The following NHEJ1 variants were observed in gnomAD, a reference collection of about 807,000 sequenced individuals.
The protein encoded by NHEJ1 is non-homologous end joining factor 1, also known as non-homologous end-joining factor 1.
A neutral mutation model predicts 39.4 loss-of-function variants in NHEJ1; 22 were observed. The observed-to-expected ratio is 0.56, with a 90% CI of 0.40 to 0.80. The LOEUF is 0.80. Ranked by LOEUF, NHEJ1 falls within the 30% of genes least tolerant of loss-of-function variation. The pLI is 0.00. For missense variants in NHEJ1, 329 were observed against 357.1 expected (o/e 0.92, Z 0.63); for synonymous variants, 154 against 135.6 (o/e 1.14, Z -0.94).
chr2:219,150,600 G>A (rs1338890816), intron 3 of NHEJ1, among the ~76,000 whole-genome samples: 3 of 152,246 alleles, frequency 2.0e-5, no homozygotes, highest in East Asian at 1.9e-4. Context: ...CAGGCGGATC[G>A]CTTGAGCTTA....
At chr2:219,079,604 C>T (rs568558028) in intron 5 of NHEJ1, among the ~76,000 whole-genome samples, 37 of 152,294 alleles carry the variant, frequency 2.4e-4, no homozygotes, top group Admixed American at 5.2e-4. Context: ...ATCAGAGCCC[C>T]GAGTCCAAAC....
rs767331200 is a variant in NHEJ1 at position 219,158,190 on chromosome 2, G to T, written c.173C>A (p.Ala58Asp). Residue 58 changes from alanine to aspartate, a missense_variant, in exon 2 of 8, where the codon GCC (alanine) becomes GAC (aspartate). Physicochemically the swap from Ala to Asp is moderately radical, Grantham distance 126. Coordinates refer to ENST00000356853, the MANE Select transcript of NHEJ1 (RefSeq NM_024782.3). ...AGTACTTCTCCTCATACTTACCTTG[G>T]CTCGCTGGCTGACCACACTAGTGTC... ...QVDTSVVSQR[A>D]KELNKRLTAP... 1 of 1,614,088 alleles carries T rather than the reference G, an allele frequency of 6.2e-7. No homozygotes were observed. The highest frequency in any genetic ancestry group is 8.5e-7 in the Non-Finnish European group (1 of 1,180,018).
chr2:219,146,815 A>T lies in NHEJ1; in HGVS notation c.530-77T>A, dbSNP rs139194189. On this transcript the variant is annotated intron_variant, in intron 4 of 7. Coordinates refer to ENST00000356853, the MANE Select transcript of NHEJ1 (RefSeq NM_024782.3). ...TCTTACCTGATGGAAAGGGAACAGA[A>T]CAGGGCTACTTAGGAAAGAGGAGGA... The T allele has an allele frequency of 0.014, 15,869 of 1,119,932 alleles. 197 individuals carry two copies. Among genetic ancestry groups the T allele is most frequent in the South Asian group, 0.038 (3,058 of 80,510 alleles). 69.4% of individuals were successfully genotyped at this position (1,119,932 alleles called of 1,614,324 possible). A position where few individuals can be genotyped will look rare whatever the true frequency, so the allele number is the denominator to read the frequency against.
intron 1 of NHEJ1, among the ~76,000 whole-genome samples, chr2:219,159,526 C>CATATATATGCATATATATATATGCAT (rs1949894063): frequency 2.4e-5 from 1 of 42,092 alleles, no homozygotes; most frequent in East Asian, 8.2e-4. Context: ...TATATATATG[C>CATATATATGCATATATATATATGCAT]ATATATATAT....
intron 4 of NHEJ1, 35 bp downstream of exon 4, chr2:219,147,622 C>T (rs763590891): frequency 7.4e-6 from 12 of 1,613,650 alleles, no homozygotes; most frequent in African/African-American, 1.3e-5. Flanking sequence ...ATTTTTAACA[C>T]GCCCCACCCA....
At chr2:219,136,513 T>C (rs764015265) in intron 5 of NHEJ1, among the ~76,000 whole-genome samples, 1 of 152,190 alleles carries the variant, frequency 6.6e-6, no homozygotes, top group Non-Finnish European at 1.5e-5. Context: ...GGTCTCGAAC[T>C]CCTGACCTCT....
At chr2:219,087,717 G>A (rs1231185479) in intron 5 of NHEJ1, among the ~76,000 whole-genome samples, 1 of 152,042 alleles carries the variant, frequency 6.6e-6, no homozygotes, top group Non-Finnish European at 1.5e-5. Context: ...ACCTTGAGGA[G>A]GTAAAGATTT....
At chr2:219,131,368 C>T in intron 5 of NHEJ1, among the ~76,000 whole-genome samples, 1 of 152,158 alleles carries the variant, frequency 6.6e-6, no homozygotes, top group East Asian at 1.9e-4. Context: ...TTATAAGAGA[C>T]TAATTTCGAA....
At chr2:219,083,326 G>A (rs1949082522) in intron 5 of NHEJ1, among the ~76,000 whole-genome samples, 1 of 152,116 alleles carries the variant, frequency 6.6e-6, no homozygotes, top group African/African-American at 2.4e-5. Flanking sequence ...AGACCCAACT[G>A]CAGTAGTAAA....
intron 5 of NHEJ1, among the ~76,000 whole-genome samples, chr2:219,126,354 C>T (rs1363827463): frequency 6.6e-6 from 1 of 152,196 alleles, no homozygotes; most frequent in Non-Finnish European, 1.5e-5. Flanking sequence ...CTGAGCCAAC[C>T]CATCGTACCT....
chr2:219,157,476 G>A lies in NHEJ1; in HGVS notation c.386C>T (p.Ser129Phe). The A allele has an allele frequency of 6.2e-7, 1 of 1,613,374 alleles. No homozygotes were observed. The highest frequency in any genetic ancestry group is 1.1e-5 in the South Asian group (1 of 91,062). The change falls in exon 3 of 8, where the codon TCC (serine) becomes TTC (phenylalanine). Residue 129 changes from serine (S) to phenylalanine (F), a missense_variant. By Grantham distance (155) the Ser-to-Phe change is radical. Transcript: ENST00000356853. ...CCACATTCGAATTACACTTACCAGG[G>A]AAGGACTAGCTAGCATGCAGTGGAA... Reference protein sequence around the residue: ...WNFHCMLASPSLVSQHLIRPL... With the variant: ...WNFHCMLASPFLVSQHLIRPL...
intron 5 of NHEJ1, among the ~76,000 whole-genome samples, chr2:219,087,751 G>A (rs1369697655): frequency 6.6e-6 from 1 of 152,028 alleles, no homozygotes; most frequent in South Asian, 2.1e-4. Flanking sequence ...AAACCATAAA[G>A]GAAAAGGTTG....
At chr2:219,110,431 AG>A (rs1238561490) in intron 5 of NHEJ1, among the ~76,000 whole-genome samples, 4 of 151,780 alleles carry the variant, frequency 2.6e-5, no homozygotes, top group Non-Finnish European at 5.9e-5. Context: ...CTAAGGTGAG[AG>A]GATCGCTTGA....
intron 5 of NHEJ1, among the ~76,000 whole-genome samples, chr2:219,122,993 A>G (rs1196941127): frequency 6.6e-6 from 1 of 152,220 alleles, no homozygotes; most frequent in Non-Finnish European, 1.5e-5. Context: ...AAAGAACTAA[A>G]CATTGTGTCC....
At position 219,160,810 on chromosome 2, in the gene NHEJ1, G is replaced by T. The variant is rs551820806; in HGVS notation, c.-91C>A. 26 of 152,624 alleles carry T rather than the reference G, an allele frequency of 1.7e-4. No individual in the cohort carries two copies. The East Asian group carries it at 3.1e-3, about 18-fold the overall frequency. The allele number at this position is 152,624 out of a possible 1,614,324, so 9.5% of individuals were successfully genotyped here. ...ACCGAAAGGCCTAGAGTAAGAGGCC[G>T]CTTTCCCCCCACCGCAAGAGGAGGC... On this transcript the variant is annotated 5_prime_UTR_variant, in exon 1 of 8. Coordinates refer to ENST00000356853, the MANE Select transcript of NHEJ1 (RefSeq NM_024782.3).
chr2:219,129,797 C>T (rs1199313002), intron 5 of NHEJ1, among the ~76,000 whole-genome samples: 3 of 152,254 alleles, frequency 2.0e-5, no homozygotes, highest in Admixed American at 6.5e-5. Flanking sequence ...CACCGTGTGT[C>T]CACACAGACG....
chr2:219,142,767 C>G (rs1949703670), intron 5 of NHEJ1, among the ~76,000 whole-genome samples: 1 of 152,210 alleles, frequency 6.6e-6, no homozygotes, highest in Non-Finnish European at 1.5e-5. Context: ...ACCCCCAGTC[C>G]TACAAAATGC....
rs536008223 is a variant in NHEJ1, at chr2:219,082,265, T to C, written c.589-4059A>G. On this transcript the variant is annotated intron_variant, in intron 5 of 7. Transcript: ENST00000356853. ...TGGTATACAGCCATATCAGAAACTTTAGGCAAACCAAAGTGACAGAAACCC... is the reference window on the plus strand; with the variant it reads ...TGGTATACAGCCATATCAGAAACTTCAGGCAAACCAAAGTGACAGAAACCC... Among the ~76,000 whole-genome samples the C allele has an allele frequency of 1.7e-3, 262 of 152,366 alleles. 1 individual carries two copies. In the Middle Eastern group the frequency reaches 0.041, roughly 24 times the overall value.
At chr2:219,127,396 CT>C (rs771627050) in intron 5 of NHEJ1, among the ~76,000 whole-genome samples, 1 of 152,098 alleles carries the variant, frequency 6.6e-6, no homozygotes, top group Non-Finnish European at 1.5e-5. Context: ...AAAGAAAAAC[CT>C]TTTATGATGT....
Sources: gnomAD v4.1 joint callset for allele counts (sites outside exome capture counted in the v4.1 genomes callset) on GRCh38, gnomAD v4.1.1 for gene constraint, MANE v1.5 for transcripts, NCBI Gene and HGNC (gene_info 2026-07-23, HGNC 2026-07-21) for gene names.